AGAP1: variants seen among roughly 807,000 people sequenced by gnomAD.
The protein encoded by AGAP1 is arf-GAP with GTPase, ANK repeat and PH domain-containing protein 1.
A neutral mutation model predicts 105.3 loss-of-function variants in AGAP1; 29 were observed. That is an observed-to-expected ratio of 0.28 (90% CI 0.21 to 0.38). The LOEUF (loss-of-function observed/expected upper bound fraction) is 0.38. Among genes scored for constraint, AGAP1 ranks in the 10% least tolerant of loss-of-function variants. The pLI is 1.00. For synonymous variants in AGAP1, 509 were observed against 485.9 expected (o/e 1.05, Z -0.63); for missense variants, 998 against 1,165.1 (o/e 0.86, Z 2.09).
intron 9 of AGAP1, among the ~76,000 whole-genome samples, chr2:235,862,875 T>G (rs2048989272): frequency 6.6e-6 from 1 of 152,162 alleles, no homozygotes; most frequent in African/African-American, 2.4e-5. Flanking sequence ...TGAGACTGTT[T>G]GGGTTGCTTT....
At chr2:235,656,430 A>G (rs752614351) in intron 1 of AGAP1, among the ~76,000 whole-genome samples, 4 of 152,132 alleles carry the variant, frequency 2.6e-5, no homozygotes, top group East Asian at 3.9e-4. Flanking sequence ...TAACTTTCTC[A>G]TAAAGCAACA....
chr2:235,815,745 C>T (rs1446283396), intron 9 of AGAP1, among the ~76,000 whole-genome samples: 3 of 152,204 alleles, frequency 2.0e-5, no homozygotes, highest in African/African-American at 7.2e-5. Context: ...CAAAGTACTC[C>T]GACTTGGGGG....
Position 236,120,238 on chromosome 2 carries a change from T to C in AGAP1, c.2161T>C (p.Phe721Leu), listed in dbSNP as rs752918811. The change falls in exon 17 of 18, where the codon TTC becomes CTC. Residue 721 changes from phenylalanine to leucine, a missense_variant. This residue lies in a region of AGAP1 where 235 missense variants were observed against 270.7 expected (regional missense o/e 0.87). Coordinates refer to ENST00000304032, the MANE Select transcript of AGAP1 (RefSeq NM_001037131.3). This position sits in a 1 kb window ranked among gnomAD's most constrained non-coding sequence, Gnocchi z 6.0. ...CCGTGCCAAGTACGAGCAGAAGCTC[T>C]TCCTGGCCCCGCTGCCCTGCACGGA... ...WIRAKYEQKLFLAPLPCTELS... is the reference protein window; with the variant it reads ...WIRAKYEQKLLLAPLPCTELS... 6.2e-7 allele frequency: 1 copy of C among 1,613,374 alleles called. No homozygotes were observed. Among genetic ancestry groups the C allele is most frequent in the Non-Finnish European group, 8.5e-7 (1 of 1,179,582 alleles).
In AGAP1 at chr2:236,121,410, C is replaced by T. The variant is rs1294709572; in HGVS notation, c.2370+963C>T. On this transcript the variant is annotated intron_variant, in intron 17 of 17. Coordinates refer to ENST00000304032, the MANE Select transcript of AGAP1 (RefSeq NM_001037131.3). The surrounding 1 kb of genome is among the most constrained non-coding windows in gnomAD (Gnocchi z 4.9). ...CCGCCTCCCAGGTTCAAGCAATTCTCCTGCCTCAGCCTCCCAGGAAGCTGG... is the reference window on the plus strand; with the variant it reads ...CCGCCTCCCAGGTTCAAGCAATTCTTCTGCCTCAGCCTCCCAGGAAGCTGG... Among the ~76,000 whole-genome samples, 1 of 152,172 alleles carries T rather than the reference C, an allele frequency of 6.6e-6. No homozygotes were observed. Among genetic ancestry groups the T allele is most frequent in the Non-Finnish European group, 1.5e-5 (1 of 68,030 alleles).
intron 1 of AGAP1, among the ~76,000 whole-genome samples, chr2:235,618,705 G>A (rs981354262): frequency 6.6e-6 from 1 of 152,144 alleles, no homozygotes; most frequent in Non-Finnish European, 1.5e-5. Context: ...CTGAGCTCTT[G>A]TTATGTGGTA....
At chr2:235,619,205 T>C (rs1257509296) in intron 1 of AGAP1, among the ~76,000 whole-genome samples, 7 of 152,142 alleles carry the variant, frequency 4.6e-5, no homozygotes, top group Admixed American at 4.6e-4. Context: ...TTGTGGTTTG[T>C]TACAGTGGTA....
chr2:236,074,992 G>A (rs1305423812), intron 16 of AGAP1, among the ~76,000 whole-genome samples: 3 of 152,194 alleles, frequency 2.0e-5, no homozygotes, highest in Admixed American at 6.6e-5. Flanking sequence ...GGTGGAGGTT[G>A]CAGTGAGCCA....
At chr2:235,838,627 CTT>C (rs1960449913) in intron 9 of AGAP1, among the ~76,000 whole-genome samples, 2 of 152,242 alleles carry the variant, frequency 1.3e-5, no homozygotes, top group East Asian at 3.8e-4. Flanking sequence ...ACAGTCTACA[CTT>C]TTAAAAACTC....
At position 235,883,374 on chromosome 2, in the gene AGAP1, G is replaced by A. The variant is rs776690991; in HGVS notation, c.1080G>A (p.Ser360=). ...TGCTGTTGAAGCGAAGTGGCAAATCGTTGAATAAAGAGTGGAAAAAGAAAT... is the reference window on the plus strand; with the variant it reads ...TGCTGTTGAAGCGAAGTGGCAAATCATTGAATAAAGAGTGGAAAAAGAAAT... ...QGMLLKRSGK[S]LNKEWKKKYV... The change falls in exon 10 of 18, where the codon TCG becomes TCA. Residue 360 remains serine (S), a synonymous_variant. Transcript: ENST00000304032. The surrounding 1 kb of genome is among the most constrained non-coding windows in gnomAD (Gnocchi z 4.5). 10 of 1,613,884 alleles carry A rather than the reference G, an allele frequency of 6.2e-6. No homozygotes were observed. The highest frequency in any genetic ancestry group is 2.7e-5 in the African/African-American group (2 of 74,848).
chr2:235,797,617 A>G, intron 6 of AGAP1, 142 bp from the exon 7 acceptor site: 1 of 1,082,448 alleles, frequency 9.2e-7, no homozygotes, highest in Non-Finnish European at 1.4e-6. Context: ...TCTGGTTGTC[A>G]TTTGCCCACC....
Position 235,734,149 on chromosome 2 carries a change from T to C in AGAP1, c.311-6814T>C, listed in dbSNP as rs1408292338. ...CAAGGTATCCATCTCATCCCACTTG[T>C]TAAAAATAATTAGGGAATAATACAG... is the stretch of plus-strand genomic sequence containing the variant. On this transcript the variant is annotated intron_variant, in intron 3 of 17. Transcript: ENST00000304032. This position sits in a 1 kb window ranked among gnomAD's most constrained non-coding sequence, Gnocchi z 5.3. 6.6e-6 allele frequency among the ~76,000 whole-genome samples: 1 copy of C among 152,216 alleles called. No individual in the cohort carries two copies. The highest frequency in any genetic ancestry group is 2.4e-5 in the African/African-American group (1 of 41,456).
In AGAP1 at chr2:235,701,357, C is replaced by T. The variant is rs76775865; in HGVS notation, c.164-7822C>T. ...TCGCCTCAGGGCTCAGGGGAAAGAG[C>T]CTTGGAATTGCAGGCAGTGGCGTGG... On this transcript the variant is annotated intron_variant, in intron 1 of 17. Coordinates refer to ENST00000304032, the MANE Select transcript of AGAP1 (RefSeq NM_001037131.3). The surrounding 1 kb of genome is among the most constrained non-coding windows in gnomAD (Gnocchi z 4.1). 6.5e-4 allele frequency among the ~76,000 whole-genome samples: 99 copies of T among 152,040 alleles called. 4 individuals carry two copies. The East Asian group carries it at 0.019, about 29-fold the overall frequency.
chr2:236,069,258 G>A (rs191836334), intron 16 of AGAP1, among the ~76,000 whole-genome samples: 3 of 152,056 alleles, frequency 2.0e-5, no homozygotes, highest in African/African-American at 2.4e-5. Flanking sequence ...TCGTGTACAC[G>A]TGACAATGCA....
In AGAP1 at chr2:235,936,148, C is replaced by G. The variant is rs1258344161; in HGVS notation, c.1483+5225C>G. On this transcript the variant is annotated intron_variant, in intron 12 of 17. Coordinates refer to ENST00000304032, the MANE Select transcript of AGAP1 (RefSeq NM_001037131.3). The surrounding 1 kb of genome is among the most constrained non-coding windows in gnomAD (Gnocchi z 4.7). ...GTTTATCTTCTGCCACGCTGACTGG[C>G]CATCACTGTTAATACTGCATTTCTT... 6.6e-6 allele frequency among the ~76,000 whole-genome samples: 1 copy of G among 152,204 alleles called. No individual in the cohort carries two copies. The highest frequency in any genetic ancestry group is 1.9e-4 in the East Asian group (1 of 5,186).
intron 9 of AGAP1, chr2:235,853,082 A>G (rs543560930): frequency 1.1e-4 from 138 of 1,233,128 alleles, no homozygotes; most frequent in Middle Eastern, 9.4e-4. Flanking sequence ...AAGGAAATCA[A>G]TGAGCGTTTA....
At position 235,958,652 on chromosome 2, in the gene AGAP1, G is replaced by A. The variant is rs1482211678; in HGVS notation, c.1484-9810G>A. The stretch of plus-strand genomic sequence containing the variant: ...TAAGGTTCGATATGGCATCTTGTCA[G>A]CAGAGATAAGTTGTCACGTTTTCCA... On this transcript the variant is annotated intron_variant, in intron 12 of 17. Transcript: ENST00000304032. The surrounding 1 kb of genome is among the most constrained non-coding windows in gnomAD (Gnocchi z 4.1). Among the ~76,000 whole-genome samples the A allele has an allele frequency of 6.6e-6, 1 of 152,132 alleles. No homozygotes were observed. The highest frequency in any genetic ancestry group is 1.5e-5 in the Non-Finnish European group (1 of 68,026).
intron 13 of AGAP1, among the ~76,000 whole-genome samples, chr2:236,007,619 T>A (rs555824545): frequency 6.6e-6 from 1 of 152,324 alleles, no homozygotes; most frequent in South Asian, 2.1e-4. Flanking sequence ...TTTTTTGGAA[T>A]TTTTGAAAAA....
In AGAP1 at chr2:236,088,911, G is replaced by A. The variant is rs143699036; in HGVS notation, c.2115-31281G>A. On this transcript the variant is annotated intron_variant, in intron 16 of 17. Coordinates refer to ENST00000304032, the MANE Select transcript of AGAP1 (RefSeq NM_001037131.3). ...CTTGAAAGAATAGTTGCTTAACAGG[G>A]CATTCGATCATGATGGTGATCGTCA... Among the ~76,000 whole-genome samples, 450 of 152,282 alleles carry A rather than the reference G, an allele frequency of 3.0e-3. 5 individuals are homozygous for A. Among genetic ancestry groups the A allele is most frequent in the African/African-American group, 0.01 (429 of 41,568 alleles).
Position 235,970,519 on chromosome 2 carries a change from G to A in AGAP1, c.1645+1896G>A, listed in dbSNP as rs907184645. Among the ~76,000 whole-genome samples the A allele has an allele frequency of 8.5e-5, 13 of 152,318 alleles. No homozygotes were observed. Among genetic ancestry groups the A allele is most frequent in the East Asian group, 3.9e-4 (2 of 5,174 alleles). On this transcript the variant is annotated intron_variant, in intron 13 of 17. Transcript: ENST00000304032. This position sits in a 1 kb window ranked among gnomAD's most constrained non-coding sequence, Gnocchi z 5.4. ...CTAAGGTGCACACACAGGGGCGGGC[G>A]CCAGATTCCCTTTAAGGACAGGCCT...
Sources: gnomAD v4.1 joint callset for allele counts (sites outside exome capture counted in the v4.1 genomes callset) on GRCh38, gnomAD v4.1.1 for gene constraint, gnomAD v4.1.1 regional missense constraint, Gnocchi (gnomAD v3.1) non-coding constraint, MANE v1.5 for transcripts, NCBI Gene and HGNC (gene_info 2026-07-23, HGNC 2026-07-21) for gene names.